The following GPHN variants were observed in gnomAD, a reference collection of about 807,000 sequenced individuals.
GPHN encodes the protein gephyrin.
GPHN carries 17 observed loss-of-function variants against 95.5 expected under a neutral mutation model. The ratio of observed to expected loss-of-function variants is 0.18; its 90% CI spans 0.12 to 0.27. The LOEUF (loss-of-function observed/expected upper bound fraction) is 0.27. GPHN is among the 10% of genes least tolerant of loss of function. The probability of loss-of-function intolerance (pLI) is 1.00; values close to 1 mark genes in which losing one functional copy is unlikely to be tolerated. For synonymous variants in GPHN, 320 were observed against 322.5 expected (o/e 0.99, Z 0.08); for missense variants, 660 against 978.1 (o/e 0.67, Z 4.34).
At chr14:67,108,297 G>C (rs1167316907) in intron 13 of GPHN, among the ~76,000 whole-genome samples, 2 of 152,124 alleles carry the variant, frequency 1.3e-5, no homozygotes, top group African/African-American at 2.4e-5. Context: ...AGAGCAAGGG[G>C]AATGAAAACT....
chr14:66,812,792 T>C (rs1399728027), intron 3 of GPHN, among the ~76,000 whole-genome samples: 1 of 152,182 alleles, frequency 6.6e-6, no homozygotes, highest in Non-Finnish European at 1.5e-5. Flanking sequence ...TATTCCTACT[T>C]ATTTGTGTTT....
chr14:67,599,889 CG>C, the GPHN span: 2 of 669,498 alleles, frequency 3.0e-6, no homozygotes, highest in Non-Finnish European at 5.0e-6. Context: ...CCCCAGAACC[CG>C]TGAGTTCCCG....
At chr14:66,998,655 C>A (rs1171990771) in intron 9 of GPHN, among the ~76,000 whole-genome samples, 2 of 151,942 alleles carry the variant, frequency 1.3e-5, no homozygotes, top group South Asian at 2.1e-4. Context: ...TCATCATCTT[C>A]ATTTACCTTC....
intron 1 of GPHN, among the ~76,000 whole-genome samples, chr14:66,598,189 A>C (rs2062064805): frequency 2.0e-5 from 3 of 152,180 alleles, no homozygotes; most frequent in Non-Finnish European, 1.5e-5. Flanking sequence ...TGGAGGAATA[A>C]ATTCAAAGAC....
At chr14:66,818,152 T>G (rs184891340) in intron 3 of GPHN, among the ~76,000 whole-genome samples, 2 of 152,244 alleles carry the variant, frequency 1.3e-5, no homozygotes, top group African/African-American at 4.8e-5. Context: ...ATGTGTAGGT[T>G]TTTTACATAG....
the GPHN span, chr14:67,647,832 T>C: frequency 1.6e-5 from 9 of 563,104 alleles, no homozygotes; most frequent in African/African-American, 5.6e-5. Context: ...GCAGAACAAA[T>C]GGCAGTATCA....
chr14:66,932,322 A>G (rs866810103), intron 8 of GPHN, among the ~76,000 whole-genome samples: 6 of 152,114 alleles, frequency 3.9e-5, no homozygotes, highest in South Asian at 2.1e-4. Flanking sequence ...GGTCACTCCT[A>G]AAACCAGCCC....
chr14:66,754,969 G>A (rs759470134), intron 2 of GPHN, among the ~76,000 whole-genome samples: 1 of 151,960 alleles, frequency 6.6e-6, no homozygotes, highest in African/African-American at 2.4e-5. Flanking sequence ...AATGCTGTAT[G>A]ATGAAATCCT....
chr14:67,317,567 C>A, the GPHN span: 1 of 807,468 alleles, frequency 1.2e-6, no homozygotes, highest in Non-Finnish European at 1.9e-6. Flanking sequence ...TAAATATGTG[C>A]TTGAGAAAAT....
intron 4 of GPHN, among the ~76,000 whole-genome samples, chr14:66,838,659 T>C (rs1229281832): frequency 6.6e-6 from 1 of 152,114 alleles, no homozygotes; most frequent in Non-Finnish European, 1.5e-5. Flanking sequence ...ATGCTAAAAG[T>C]ATATTTATCT....
In GPHN at chr14:66,704,490, A is replaced by G. The variant is rs527515458; in HGVS notation, c.143+23305A>G. ...CACACCACAAGGTAATCAAGTTAGA[A>G]CTCAGGATTAAGAAACTCACTCAAA... is the stretch of plus-strand genomic sequence containing the variant. On this transcript the variant is annotated intron_variant, in intron 2 of 22. Coordinates refer to ENST00000478722, the MANE Select transcript of GPHN (RefSeq NM_020806.5). 3.3e-5 allele frequency among the ~76,000 whole-genome samples: 5 copies of G among 152,292 alleles called. No homozygotes were observed. In the South Asian group the frequency reaches 1.0e-3, roughly 32 times the overall value.
chr14:67,477,323 T>A, the GPHN span, among the ~76,000 whole-genome samples: 11 of 152,218 alleles, frequency 7.2e-5, no homozygotes, highest in Non-Finnish European at 1.5e-4. Flanking sequence ...TCTCCATGCC[T>A]TTGCAGGTCC....
chr14:66,640,408 T>A (rs1012332322), intron 1 of GPHN, among the ~76,000 whole-genome samples: 4 of 152,126 alleles, frequency 2.6e-5, no homozygotes, highest in African/African-American at 9.7e-5. Context: ...GGCAGCAGAA[T>A]GAGACTCTGC....
At chr14:67,073,128 A>T (rs2076372146) in intron 11 of GPHN, among the ~76,000 whole-genome samples, 2 of 152,110 alleles carry the variant, frequency 1.3e-5, no homozygotes, top group South Asian at 4.1e-4. Context: ...TGTGGGAAAA[A>T]ACTTAACAGT....
chr14:67,312,601 T>G, the GPHN span: 1 of 1,613,878 alleles, frequency 6.2e-7, no homozygotes, highest in Non-Finnish European at 8.5e-7. Flanking sequence ...TAGGTCTGTC[T>G]TTTCAAAAAG....
At chr14:66,985,820 G>T in intron 9 of GPHN, 2 of 697,034 alleles carry the variant, frequency 2.9e-6, no homozygotes, top group South Asian at 2.0e-5. Context: ...TGGGAGGAAG[G>T]GGGCTTTTTC....
At chr14:66,847,767 G>A (rs531592169) in intron 4 of GPHN, among the ~76,000 whole-genome samples, 1 of 151,978 alleles carries the variant, frequency 6.6e-6, no homozygotes, top group African/African-American at 2.4e-5. Context: ...TGAAACTTTT[G>A]TGAAGTTTCA....
chr14:67,436,077 GC>G, the GPHN span, among the ~76,000 whole-genome samples: 1 of 152,222 alleles, frequency 6.6e-6, no homozygotes, highest in Admixed American at 6.5e-5. Flanking sequence ...GCACAGAAAT[GC>G]CACCGTAGCT....
intron 2 of GPHN, among the ~76,000 whole-genome samples, chr14:66,714,535 G>A (rs2069981590): frequency 1.3e-5 from 2 of 151,790 alleles, no homozygotes; most frequent in African/African-American, 4.8e-5. Context: ...TGGTGAGAGT[G>A]GGTATCCTTG....
Sources: allele counts gnomAD v4.1 joint callset (sites outside exome capture counted in the v4.1 genomes callset), GRCh38; gene constraint gnomAD v4.1.1; transcripts MANE v1.5; gene names NCBI Gene and HGNC (gene_info 2026-07-23, HGNC 2026-07-21).